Variants in CYP2C19 observed in about 807,000 individuals in gnomAD.
The protein encoded by CYP2C19 is cytochrome P450 family 2 subfamily C member 19.
Under a neutral mutation model 40.9 loss-of-function variants are expected in CYP2C19, and 59 were observed. That is an observed-to-expected ratio of 1.44 (90% CI 1.17 to 1.79). The LOEUF is 1.79. CYP2C19 is among the 40% of genes most tolerant of loss of function. CYP2C19 has a pLI of 0.00. For synonymous variants in CYP2C19, 253 were observed against 208.7 expected, an observed-to-expected ratio of 1.21 and a Z score of -1.83; for missense variants, 754 against 596.9, an observed-to-expected ratio of 1.26 and a Z score of -2.74.
intron 5 of CYP2C19, among the ~76,000 whole-genome samples, chr10:94,794,202 A>T (rs77766641): frequency 1.3e-5 from 2 of 152,132 alleles, no homozygotes; most frequent in African/African-American, 2.4e-5. Flanking sequence ...TGCTAAGGCC[A>T]TTGGAAAAGC....
At chr10:94,822,079 A>G (rs1306670585) in intron 6 of CYP2C19, among the ~76,000 whole-genome samples, 3 of 152,124 alleles carry the variant, frequency 2.0e-5, no homozygotes, top group East Asian at 3.9e-4. Context: ...GCTTAGGATA[A>G]TGGCCTCCTG....
At chr10:94,838,757 G>A (rs1019443317) in intron 6 of CYP2C19, among the ~76,000 whole-genome samples, 7 of 152,008 alleles carry the variant, frequency 4.6e-5, no homozygotes, top group African/African-American at 2.4e-5. Flanking sequence ...ACATAATTGC[G>A]AGTTGTCTCT....
At chr10:94,817,588 A>G (rs1190350509) in intron 5 of CYP2C19, among the ~76,000 whole-genome samples, 1 of 144,384 alleles carries the variant, frequency 6.9e-6, no homozygotes, top group African/African-American at 2.6e-5. Flanking sequence ...GTTTAATTAG[A>G]TCCCATTTGT....
chr10:94,853,475 C>T lies in CYP2C19; in HGVS notation c.*561C>T, dbSNP rs1849685619. Among the ~76,000 whole-genome samples, 1 of 151,490 alleles carries T rather than the reference C, an allele frequency of 6.6e-6. No homozygotes were observed. Among genetic ancestry groups the T allele is most frequent in the Non-Finnish European group, 1.5e-5 (1 of 67,990 alleles). ...GAGAAACTGTGTCCAGGAGCAGCTC[C>T]AACCTCTAGGGAAATATTCAGAGGA... On this transcript the variant is annotated 3_prime_UTR_variant, in exon 9 of 9. Coordinates refer to ENST00000371321, the MANE Select transcript of CYP2C19 (RefSeq NM_000769.4).
At chr10:94,826,596 A>T (rs190706512) in intron 6 of CYP2C19, among the ~76,000 whole-genome samples, 522 of 152,328 alleles carry the variant, frequency 3.4e-3, no homozygotes, top group Middle Eastern at 6.8e-3. Flanking sequence ...CAATCATGTC[A>T]TCTGTAAACA....
intron 1 of CYP2C19, among the ~76,000 whole-genome samples, chr10:94,765,430 T>C (rs1292901844): frequency 1.3e-5 from 2 of 151,714 alleles, no homozygotes; most frequent in Admixed American, 6.6e-5. Flanking sequence ...TGGTTGTGTA[T>C]GTTAAAAAGG....
At chr10:94,839,402 T>A (rs1464197168) in intron 6 of CYP2C19, among the ~76,000 whole-genome samples, 1 of 152,216 alleles carries the variant, frequency 6.6e-6, no homozygotes, top group East Asian at 1.9e-4. Context: ...CTGCCTTTCT[T>A]GACCACAAAG....
intron 3 of CYP2C19, among the ~76,000 whole-genome samples, chr10:94,779,204 C>A (rs1181298757): frequency 6.6e-6 from 1 of 152,098 alleles, no homozygotes; most frequent in Non-Finnish European, 1.5e-5. Flanking sequence ...ATAGATGCAG[C>A]AAACCACCAT....
intron 3 of CYP2C19, among the ~76,000 whole-genome samples, chr10:94,778,350 A>G (rs908341403): frequency 6.6e-6 from 1 of 152,154 alleles, no homozygotes; most frequent in Non-Finnish European, 1.5e-5. Flanking sequence ...TCTCACCTGA[A>G]ACTATGCAGA....
intron 5 of CYP2C19, among the ~76,000 whole-genome samples, chr10:94,787,288 G>C (rs977675870): frequency 2.0e-5 from 3 of 152,016 alleles, no homozygotes; most frequent in Admixed American, 2.0e-4. Context: ...TTGGCCATGT[G>C]TATGTCTTCT....
rs546704495 is a variant in CYP2C19 at position 94,782,544 on chromosome 10, C to A, written c.819+547C>A. On this transcript the variant is annotated intron_variant, in intron 5 of 8. Transcript: ENST00000371321. ...AAATTAGTTCAATCATTGTGGAAGG[C>A]AGTGTGGCAATTCCTCAAGGATCTA... Among the ~76,000 whole-genome samples the A allele has an allele frequency of 5.3e-5, 8 of 152,218 alleles. No individual in the cohort carries two copies. In the South Asian group the frequency reaches 1.0e-3, roughly 20 times the overall value.
chr10:94,777,695 A>G (rs2134238040), intron 3 of CYP2C19, among the ~76,000 whole-genome samples: 1 of 152,302 alleles, frequency 6.6e-6, no homozygotes, highest in Middle Eastern at 3.4e-3. Context: ...AAACTATAAA[A>G]ACCCTAGAGA....
intron 5 of CYP2C19, among the ~76,000 whole-genome samples, chr10:94,787,720 G>A (rs537115433): frequency 1.3e-5 from 2 of 152,238 alleles, no homozygotes; most frequent in East Asian, 3.8e-4. Flanking sequence ...TGGCTAGCCA[G>A]TTATCCTAGT....
At chr10:94,829,351 C>T (rs977147844) in intron 6 of CYP2C19, among the ~76,000 whole-genome samples, 5 of 152,156 alleles carry the variant, frequency 3.3e-5, no homozygotes, top group South Asian at 2.1e-4. Context: ...TTCTTGGAGG[C>T]TTTGCTCATT....
intron 5 of CYP2C19, among the ~76,000 whole-genome samples, chr10:94,789,825 T>C (rs533880526): frequency 2.0e-5 from 3 of 152,070 alleles, no homozygotes; most frequent in Non-Finnish European, 4.4e-5. Flanking sequence ...TTGGCTATAC[T>C]GGCTCTTCCT....
At chr10:94,794,150 C>T (rs1042502419) in intron 5 of CYP2C19, among the ~76,000 whole-genome samples, 4 of 152,134 alleles carry the variant, frequency 2.6e-5, no homozygotes, top group Non-Finnish European at 5.9e-5. Context: ...GGCATGGGAC[C>T]CTCTGAGCCA....
At chr10:94,836,554 A>G (rs1789603982) in intron 6 of CYP2C19, among the ~76,000 whole-genome samples, 1 of 152,230 alleles carries the variant, frequency 6.6e-6, no homozygotes, top group South Asian at 2.1e-4. Context: ...TAATTAGTGT[A>G]TATAATGGTC....
intron 5 of CYP2C19, among the ~76,000 whole-genome samples, chr10:94,784,143 T>C (rs1013358166): frequency 6.6e-6 from 1 of 152,192 alleles, no homozygotes; most frequent in East Asian, 1.9e-4. Context: ...ATATAAAGAA[T>C]TCATAGCATA....
rs1848382596 is a variant in CYP2C19, at chr10:94,774,695, A to G, written c.169-363A>G. 3.6e-5 allele frequency: 8 copies of G among 224,254 alleles called. No homozygotes were observed. In the South Asian group the frequency reaches 5.8e-4, roughly 16 times the overall value. 13.9% of individuals were successfully genotyped at this position (224,254 alleles called of 1,614,324 possible). On this transcript the variant is annotated intron_variant, in intron 1 of 8. Transcript: ENST00000371321. ...AAATTTCTCAAGCATGAGTGTTTGA[A>G]TAAGTGAAGTTTCAAATTTGGGTCT... is the stretch of plus-strand genomic sequence containing the variant.
Sources: allele counts gnomAD v4.1 joint callset (sites outside exome capture counted in the v4.1 genomes callset), GRCh38; gene constraint gnomAD v4.1.1; transcripts MANE v1.5; gene names NCBI Gene and HGNC (gene_info 2026-07-23, HGNC 2026-07-21).